Variants in CFAP77 observed in about 807,000 individuals in gnomAD.
The protein encoded by CFAP77 is cilia- and flagella-associated protein 77.
Under a neutral mutation model 31.1 loss-of-function variants are expected in CFAP77, and 25 were observed. That is an observed-to-expected ratio of 0.80 (90% CI 0.59 to 1.12). CFAP77 has a LOEUF of 1.12. CFAP77 is among the 50% of genes most tolerant of loss of function. The probability of loss-of-function intolerance (pLI) is 0.00; values close to 1 mark genes in which losing one functional copy is unlikely to be tolerated. For missense variants in CFAP77, 377 were observed against 397.3 expected, an observed-to-expected ratio of 0.95 and a Z score of 0.44; for synonymous variants, 151 against 159.9, an observed-to-expected ratio of 0.94 and a Z score of 0.42.
intron 1 of CFAP77, among the ~76,000 whole-genome samples, chr9:132,460,737 T>C (rs1851033320): frequency 6.6e-6 from 1 of 152,040 alleles, no homozygotes; most frequent in South Asian, 2.1e-4. Context: ...TACCACTGGA[T>C]TGTGCACTTT....
chr9:132,492,310 A>G (rs956839151), intron 1 of CFAP77, among the ~76,000 whole-genome samples: 6 of 152,210 alleles, frequency 3.9e-5, no homozygotes, highest in Admixed American at 3.9e-4. Context: ...CCCCCAAAAC[A>G]AAAAACAAAA....
chr9:132,470,259 G>A (rs1446318097), intron 1 of CFAP77, among the ~76,000 whole-genome samples: 3 of 152,188 alleles, frequency 2.0e-5, no homozygotes, highest in Non-Finnish European at 4.4e-5. Flanking sequence ...CCCAATCAGT[G>A]TCTCGCTGAG....
At chr9:132,485,061 C>T (rs1313510131) in intron 1 of CFAP77, among the ~76,000 whole-genome samples, 1 of 152,062 alleles carries the variant, frequency 6.6e-6, no homozygotes, top group Non-Finnish European at 1.5e-5. Flanking sequence ...TTTGGCCGGG[C>T]TAGTCTCGAA....
chr9:132,431,764 T>G (rs1850415172), intron 1 of CFAP77, among the ~76,000 whole-genome samples: 1 of 152,196 alleles, frequency 6.6e-6, no homozygotes, highest in South Asian at 2.1e-4. Context: ...CCTGAAGGAA[T>G]AGTAGCCCAA....
chr9:132,447,646 G>A (rs903129520), intron 1 of CFAP77, among the ~76,000 whole-genome samples: 10 of 152,230 alleles, frequency 6.6e-5, no homozygotes, highest in Admixed American at 2.0e-4. Context: ...CCGTGTGTTC[G>A]GACCTAACAC....
intron 1 of CFAP77, among the ~76,000 whole-genome samples, chr9:132,436,993 G>A (rs1470182433): frequency 6.6e-6 from 1 of 152,140 alleles, no homozygotes; most frequent in East Asian, 1.9e-4. Context: ...CTGTTATGAG[G>A]ATCATTTTTA....
At chr9:132,478,076 T>C (rs957797473) in intron 1 of CFAP77, among the ~76,000 whole-genome samples, 3 of 152,200 alleles carry the variant, frequency 2.0e-5, no homozygotes, top group Admixed American at 6.5e-5. Flanking sequence ...GGTTTGGCTC[T>C]GTGTCCCCAC....
chr9:132,516,925 TG>T (rs1237766662), intron 3 of CFAP77, among the ~76,000 whole-genome samples: 1 of 152,118 alleles, frequency 6.6e-6, no homozygotes, highest in Non-Finnish European at 1.5e-5. Context: ...TAAACAGCCA[TG>T]GAAGTCACTT....
intron 3 of CFAP77, among the ~76,000 whole-genome samples, chr9:132,523,488 T>C (rs1852305526): frequency 6.6e-6 from 1 of 152,216 alleles, no homozygotes; most frequent in African/African-American, 2.4e-5. Flanking sequence ...GTCTCAGGGA[T>C]CTCTCTGGCT....
At chr9:132,515,940 G>A (rs1329992202) in intron 3 of CFAP77, among the ~76,000 whole-genome samples, 4 of 152,180 alleles carry the variant, frequency 2.6e-5, no homozygotes, top group Non-Finnish European at 5.9e-5. Context: ...GAGGCACCAA[G>A]TATTTTTGTT....
At chr9:132,482,320 C>T (rs1851463167) in intron 1 of CFAP77, 3 of 1,613,516 alleles carry the variant, frequency 1.9e-6, no homozygotes, top group Admixed American at 3.3e-5. Context: ...GCTGCCGGCC[C>T]GGCCTCGGTG....
chr9:132,451,382 T>C (rs1462193082), intron 1 of CFAP77, among the ~76,000 whole-genome samples: 1 of 150,236 alleles, frequency 6.7e-6, no homozygotes, highest in Non-Finnish European at 1.5e-5. Context: ...TGGATGTGGG[T>C]AGTCGGTCTG....
intron 1 of CFAP77, among the ~76,000 whole-genome samples, chr9:132,440,037 C>T (rs1850589386): frequency 6.6e-6 from 1 of 151,992 alleles, no homozygotes; most frequent in African/African-American, 2.4e-5. Context: ...AACATTATAA[C>T]ATCATCCTCA....
intron 1 of CFAP77, among the ~76,000 whole-genome samples, chr9:132,437,488 C>A (rs1013333682): frequency 7.3e-6 from 1 of 136,216 alleles, no homozygotes; most frequent in Non-Finnish European, 1.6e-5. Context: ...TCAAGAGGGG[C>A]GGGACCACTT....
At chr9:132,446,227 T>C (rs2131707552) in intron 1 of CFAP77, among the ~76,000 whole-genome samples, 1 of 152,052 alleles carries the variant, frequency 6.6e-6, no homozygotes, top group South Asian at 2.1e-4. Flanking sequence ...TTCCTTAAAA[T>C]CTAGGAAATT....
rs532749750 is a variant in CFAP77 at position 132,416,782 on chromosome 9, C to T, written c.195+6316C>T. On this transcript the variant is annotated intron_variant, in intron 1 of 5. Coordinates refer to ENST00000393216, the MANE Select transcript of CFAP77 (RefSeq NM_001282957.2). ...CCACCCGAGTAGCTGGAATTACAGG[C>T]GTACACCACCACATCTGGCTAATTT... Among the ~76,000 whole-genome samples the T allele has an allele frequency of 5.3e-4, 80 of 151,738 alleles. No homozygotes were observed. In the East Asian group the frequency reaches 8.6e-3, roughly 16 times the overall value.
intron 1 of CFAP77, among the ~76,000 whole-genome samples, chr9:132,473,325 G>A (rs1008110152): frequency 7.9e-5 from 12 of 152,180 alleles, no homozygotes; most frequent in Admixed American, 7.9e-4. Context: ...TGTGGTATGG[G>A]TGCCAGGCAT....
intron 1 of CFAP77, among the ~76,000 whole-genome samples, chr9:132,432,137 G>C (rs1218206041): frequency 6.6e-6 from 1 of 152,140 alleles, no homozygotes; most frequent in Non-Finnish European, 1.5e-5. Flanking sequence ...CTGGAAACAC[G>C]GAGCCCAGGA....
chr9:132,445,518 C>A (rs944494895), intron 1 of CFAP77, among the ~76,000 whole-genome samples: 9 of 152,150 alleles, frequency 5.9e-5, no homozygotes, highest in Non-Finnish European at 8.8e-5. Flanking sequence ...TACCTTTAGG[C>A]TATTGTGAAT....
Sources: gnomAD v4.1 joint callset for allele counts (sites outside exome capture counted in the v4.1 genomes callset) on GRCh38, gnomAD v4.1.1 for gene constraint, MANE v1.5 for transcripts, NCBI Gene and HGNC (gene_info 2026-07-23, HGNC 2026-07-21) for gene names.